Variants in AUH observed in about 807,000 individuals in gnomAD.
The protein encoded by AUH is methylglutaconyl-CoA hydratase, mitochondrial.
Under a neutral mutation model 42.3 loss-of-function variants are expected in AUH, and 29 were observed. The observed-to-expected ratio is 0.69, with a 90% CI of 0.51 to 0.93. AUH has a LOEUF of 0.93. Ranked by LOEUF, AUH falls within the 40% of genes least tolerant of loss-of-function variation. The probability of loss-of-function intolerance (pLI) is 0.00; values close to 1 mark genes in which losing one functional copy is unlikely to be tolerated. For synonymous variants in AUH, 174 were observed against 166.4 expected, an observed-to-expected ratio of 1.05 and a Z score of -0.35; for missense variants, 452 against 438.1, an observed-to-expected ratio of 1.03 and a Z score of -0.28.
At chr9:91,336,309 A>G (rs1206929968) in intron 3 of AUH, among the ~76,000 whole-genome samples, 1 of 152,158 alleles carries the variant, frequency 6.6e-6, no homozygotes, top group African/African-American at 2.4e-5. Context: ...AGGCTACATC[A>G]TTTGAACGAA....
intron 6 of AUH, among the ~76,000 whole-genome samples, chr9:91,232,191 C>A (rs1827926227): frequency 6.6e-6 from 1 of 152,024 alleles, no homozygotes; most frequent in South Asian, 2.1e-4. Flanking sequence ...TTGAGACCAG[C>A]CTGGCCAACG....
intron 6 of AUH, among the ~76,000 whole-genome samples, chr9:91,284,756 T>C (rs1034721651): frequency 2.0e-5 from 3 of 152,110 alleles, no homozygotes; most frequent in African/African-American, 7.2e-5. Context: ...AAAACCACAA[T>C]GAGATACCAT....
chr9:91,238,616 TAAAG>T (rs1416601752), intron 6 of AUH, among the ~76,000 whole-genome samples: 4 of 152,258 alleles, frequency 2.6e-5, no homozygotes, highest in Non-Finnish European at 5.9e-5. Flanking sequence ...TTGGATAGAA[TAAAG>T]ATATACTTGA....
Position 91,356,120 on chromosome 9 carries a change from T to C in AUH, c.298A>G (p.Lys100Glu), listed in dbSNP as rs1224612642. ...ATAAGATTTTTACTGAGTGAATTTT[T>C]GCCATAAGCTCTGTTTATTCCAAGC... ...VVLGINRAYGKNSLSKNLIKM... is the reference protein window; with the variant it reads ...VVLGINRAYGENSLSKNLIKM... Residue 100 changes from lysine (K) to glutamate (E), a missense_variant, in exon 2 of 10, where the codon AAA (lysine) becomes GAA (glutamate). Physicochemically the swap from Lys to Glu is moderately conservative, Grantham distance 56. Transcript: ENST00000375731. 1 of 1,613,844 alleles carries C rather than the reference T, an allele frequency of 6.2e-7. No homozygotes were observed. The highest frequency in any genetic ancestry group is 2.2e-5 in the East Asian group (1 of 44,826).
chr9:91,317,556 A>G (rs1024469022), intron 4 of AUH, among the ~76,000 whole-genome samples: 1 of 151,966 alleles, frequency 6.6e-6, no homozygotes, highest in African/African-American at 2.4e-5. Flanking sequence ...CTAATAATTT[A>G]TTGTTTCTTT....
intron 6 of AUH, among the ~76,000 whole-genome samples, chr9:91,277,033 T>G (rs1825602019): frequency 6.6e-6 from 1 of 152,040 alleles, no homozygotes; most frequent in Non-Finnish European, 1.5e-5. Flanking sequence ...AAAAATTTTT[T>G]TAAAAAACCA....
At chr9:91,355,311 C>T (rs1027012544) in intron 3 of AUH, among the ~76,000 whole-genome samples, 3 of 152,184 alleles carry the variant, frequency 2.0e-5, no homozygotes, top group African/African-American at 7.2e-5. Flanking sequence ...AATCCCAGCA[C>T]TTTGGAAGGC....
At chr9:91,308,310 A>C (rs1478933054) in intron 4 of AUH, among the ~76,000 whole-genome samples, 3 of 152,182 alleles carry the variant, frequency 2.0e-5, no homozygotes, top group Admixed American at 6.5e-5. Context: ...ACAGTGAGCT[A>C]TGACTGTGCC....
At chr9:91,234,429 G>A (rs969592063) in intron 6 of AUH, among the ~76,000 whole-genome samples, 2 of 152,142 alleles carry the variant, frequency 1.3e-5, no homozygotes, top group African/African-American at 4.8e-5. Context: ...TGTGCTCTAA[G>A]CTTCAATCTC....
chr9:91,284,424 C>T (rs768088670), intron 6 of AUH, among the ~76,000 whole-genome samples: 5 of 152,120 alleles, frequency 3.3e-5, no homozygotes, highest in Non-Finnish European at 5.9e-5. Context: ...ATGTCTAAAA[C>T]ACCAAAAGCA....
At chr9:91,321,044 T>C (rs767208435) in intron 4 of AUH, among the ~76,000 whole-genome samples, 8 of 152,190 alleles carry the variant, frequency 5.3e-5, no homozygotes, top group South Asian at 2.1e-4. Flanking sequence ...TCTTGAAAAA[T>C]TGAATCTTTT....
rs566403597 is a variant in AUH, at chr9:91,356,245, C to T, written c.263-90G>A. On this transcript the variant is annotated intron_variant, in intron 1 of 9. Transcript: ENST00000375731. The stretch of plus-strand genomic sequence containing the variant: ...CATCACACATCTAGCTAGCTTCGAA[C>T]TTAACAAATCAAAGAAATTCATGAC... The T allele has an allele frequency of 3.9e-6, 4 of 1,021,698 alleles. No homozygotes were observed. In the African/African-American group the frequency reaches 4.8e-5, roughly 12 times the overall value. 63.3% of individuals were successfully genotyped at this position (1,021,698 alleles called of 1,614,324 possible). A position where few individuals can be genotyped will look rare whatever the true frequency, so the allele number is the denominator to read the frequency against.
At chr9:91,352,313 A>T (rs578122995) in intron 3 of AUH, among the ~76,000 whole-genome samples, 55 of 152,264 alleles carry the variant, frequency 3.6e-4, no homozygotes, top group Non-Finnish European at 4.1e-4. Context: ...CCAGCATTGT[A>T]TAATGCAGGC....
At chr9:91,265,262 C>T (rs753354438) in intron 6 of AUH, among the ~76,000 whole-genome samples, 2 of 149,796 alleles carry the variant, frequency 1.3e-5, no homozygotes, top group African/African-American at 4.9e-5. Flanking sequence ...TAATTCCCCA[C>T]ATATTTGCTC....
intron 6 of AUH, among the ~76,000 whole-genome samples, chr9:91,224,811 T>C (rs1384184901): frequency 6.6e-6 from 1 of 152,204 alleles, no homozygotes; most frequent in African/African-American, 2.4e-5. Flanking sequence ...TATTTTTACA[T>C]GTGTGAAACT....
intron 4 of AUH, among the ~76,000 whole-genome samples, chr9:91,322,381 T>C (rs1275465442): frequency 1.3e-5 from 2 of 152,168 alleles, no homozygotes; most frequent in Non-Finnish European, 2.9e-5. Context: ...GACCAACTTC[T>C]AAACAAAGTT....
chr9:91,313,855 T>G (rs1828925581), intron 4 of AUH, among the ~76,000 whole-genome samples: 1 of 141,666 alleles, frequency 7.1e-6, no homozygotes, highest in South Asian at 2.2e-4. Flanking sequence ...CGAGTTTCAC[T>G]CTTGTCGCCC....
intron 6 of AUH, among the ~76,000 whole-genome samples, chr9:91,222,089 C>T (rs960546449): frequency 1.3e-5 from 2 of 152,108 alleles, no homozygotes; most frequent in Non-Finnish European, 2.9e-5. Flanking sequence ...ACTTGACCTA[C>T]AAAATTTAAA....
chr9:91,276,308 G>C (rs1234860260), intron 6 of AUH, among the ~76,000 whole-genome samples: 1 of 151,634 alleles, frequency 6.6e-6, no homozygotes, highest in East Asian at 1.9e-4. Flanking sequence ...GCGGACGCCT[G>C]TAATCCCAGC....
Sources: allele counts gnomAD v4.1 joint callset (sites outside exome capture counted in the v4.1 genomes callset), GRCh38; gene constraint gnomAD v4.1.1; transcripts MANE v1.5; gene names NCBI Gene and HGNC (gene_info 2026-07-23, HGNC 2026-07-21).